The following INPP4B variants were observed in gnomAD, a reference collection of about 807,000 sequenced individuals.
INPP4B encodes inositol polyphosphate 4-phosphatase type II.
In INPP4B, 55 loss-of-function variants were observed where a neutral mutation model predicts 122.5. The ratio of observed to expected loss-of-function variants is 0.45; its 90% confidence interval spans 0.36 to 0.56. INPP4B has a LOEUF of 0.56. Ranked by LOEUF, INPP4B falls within the 20% of genes least tolerant of loss-of-function variation. The probability of loss-of-function intolerance (pLI) is 0.00; values close to 1 mark genes in which losing one functional copy is unlikely to be tolerated. For synonymous variants in INPP4B, 403 were observed against 388.7 expected (o/e 1.04, Z -0.43); for missense variants, 1,000 against 1,097.7 (o/e 0.91, Z 1.26).
At chr4:142,400,435 T>C (rs1801211730) in intron 7 of INPP4B, among the ~76,000 whole-genome samples, 1 of 152,190 alleles carries the variant, frequency 6.6e-6, no homozygotes, top group African/African-American at 2.4e-5. Flanking sequence ...CTTAATATAT[T>C]TAGGTTAAGT....
intron 2 of INPP4B, among the ~76,000 whole-genome samples, chr4:142,524,584 T>C (rs1469613627): frequency 2.6e-5 from 4 of 152,140 alleles, no homozygotes; most frequent in Admixed American, 2.6e-4. Context: ...TGGTCCAATA[T>C]ACGCAAATCA....
At chr4:142,762,980 C>T (rs1049425880) in intron 1 of INPP4B, among the ~76,000 whole-genome samples, 3 of 152,098 alleles carry the variant, frequency 2.0e-5, no homozygotes, top group African/African-American at 7.2e-5. Context: ...AGCAACAGGG[C>T]GCCATCTTGA....
intron 16 of INPP4B, 60 bp from the exon 17 acceptor site, chr4:142,160,621 G>A: frequency 2.3e-6 from 3 of 1,297,874 alleles, no homozygotes; most frequent in South Asian, 3.0e-5. Context: ...ATAGAGCTGT[G>A]AAAAGGTCAA....
At chr4:142,235,578 C>A (rs1416434242) in intron 12 of INPP4B, among the ~76,000 whole-genome samples, 1 of 152,058 alleles carries the variant, frequency 6.6e-6, no homozygotes, top group East Asian at 1.9e-4. Context: ...CCCACCACCA[C>A]GCCTGGATAA....
rs186382153 is a variant in INPP4B, at chr4:142,206,393, T to C, written c.1072+2032A>G. ...TTTTCAGTTCTTTCACTTGACATAGTTCGTAGTGAATAAGACCTAAATTAA... is the reference window on the plus strand; with the variant it reads ...TTTTCAGTTCTTTCACTTGACATAGCTCGTAGTGAATAAGACCTAAATTAA... On this transcript the variant is annotated intron_variant, in intron 14 of 25. Transcript: ENST00000262992. Among the ~76,000 whole-genome samples the C allele has an allele frequency of 3.1e-3, 467 of 151,316 alleles. 1 individual carries two copies. Among genetic ancestry groups the C allele is most frequent in the African/African-American group, 0.011 (450 of 41,220 alleles).
chr4:142,264,656 G>C (rs965911901), intron 10 of INPP4B, among the ~76,000 whole-genome samples: 1 of 152,166 alleles, frequency 6.6e-6, no homozygotes, highest in African/African-American at 2.4e-5. Flanking sequence ...TATGTGAGAA[G>C]AAAGAGTTTG....
chr4:142,449,531 G>T (rs28557098), intron 3 of INPP4B, among the ~76,000 whole-genome samples: 2,040 of 151,910 alleles, frequency 0.013, 44 homozygotes, highest in African/African-American at 0.045. Context: ...GTGAAACCCT[G>T]TTTCTACTAA....
At chr4:142,202,391 T>C (rs1475250382) in intron 14 of INPP4B, among the ~76,000 whole-genome samples, 5 of 152,134 alleles carry the variant, frequency 3.3e-5, no homozygotes, top group African/African-American at 7.2e-5. Context: ...GCATGTAATA[T>C]GTCTTTGGCA....
chr4:142,124,451 TAAG>T, intron 19 of INPP4B, 134 bp downstream of exon 19: 1 of 720,340 alleles, frequency 1.4e-6, no homozygotes, highest in Non-Finnish European at 2.3e-6. Flanking sequence ...TTATCGTGAA[TAAG>T]AAACATGGGA....
chr4:142,174,320 T>C (rs184229097), intron 15 of INPP4B, among the ~76,000 whole-genome samples: 65 of 152,206 alleles, frequency 4.3e-4, no homozygotes, highest in Admixed American at 2.5e-3. Flanking sequence ...GTAACGTTAG[T>C]AGTCATTCAT....
At chr4:142,430,453 G>T (rs1172306830) in intron 4 of INPP4B, among the ~76,000 whole-genome samples, 1 of 152,022 alleles carries the variant, frequency 6.6e-6, no homozygotes, top group Non-Finnish European at 1.5e-5. Flanking sequence ...AAAAGAGAAG[G>T]TTAGGCATAT....
At chr4:142,268,348 G>GAAAAAAAAAAAAAAAAAAAAAAA (rs1383781390) in intron 10 of INPP4B, among the ~76,000 whole-genome samples, 26 of 26,798 alleles carry the variant, frequency 9.7e-4, no homozygotes, top group Non-Finnish European at 2.2e-3. Flanking sequence ...AAAAAAAAAT[G>GAAAAAAAAAAAAAAAAAAAAAAA]AGGGGTAAGT....
intron 11 of INPP4B, among the ~76,000 whole-genome samples, chr4:142,254,887 C>T (rs908598236): frequency 6.6e-6 from 1 of 151,814 alleles, no homozygotes; most frequent in Non-Finnish European, 1.5e-5. Flanking sequence ...AGAGCAACTC[C>T]AAGACACATA....
At chr4:142,088,456 A>C (rs1221539926) in intron 23 of INPP4B, among the ~76,000 whole-genome samples, 1 of 152,222 alleles carries the variant, frequency 6.6e-6, no homozygotes, top group Non-Finnish European at 1.5e-5. Context: ...GCTGAAAAGA[A>C]GAATTGGCCA....
At chr4:142,156,987 G>C (rs556689142) in intron 17 of INPP4B, among the ~76,000 whole-genome samples, 1 of 152,150 alleles carries the variant, frequency 6.6e-6, no homozygotes, top group African/African-American at 2.4e-5. Flanking sequence ...ATTTGCAAAC[G>C]TAAGCCAATT....
chr4:142,263,271 C>T (rs1579510933), intron 10 of INPP4B, among the ~76,000 whole-genome samples: 1 of 152,108 alleles, frequency 6.6e-6, no homozygotes, highest in Non-Finnish European at 1.5e-5. Context: ...TCTCATTTTT[C>T]ACCTGATTTG....
chr4:142,536,692 T>C (rs4975317), intron 2 of INPP4B, among the ~76,000 whole-genome samples: 33,667 of 152,088 alleles, frequency 0.22, 4,886 homozygotes, highest in East Asian at 0.77. Flanking sequence ...GCCATCTCAG[T>C]ACCCAGAAGG....
intron 16 of INPP4B, among the ~76,000 whole-genome samples, chr4:142,165,891 G>A (rs1381918296): frequency 2.0e-5 from 3 of 151,500 alleles, no homozygotes; most frequent in Non-Finnish European, 3.0e-5. Flanking sequence ...TTTTATCCTC[G>A]GCCTTTTTGA....
intron 1 of INPP4B, among the ~76,000 whole-genome samples, chr4:142,814,201 C>G (rs558187770): frequency 5.1e-4 from 77 of 152,240 alleles, no homozygotes; most frequent in African/African-American, 1.8e-3. Context: ...TGCATCCTCT[C>G]TAGAGGAGAT....
Sources: gnomAD v4.1 joint callset for allele counts (sites outside exome capture counted in the v4.1 genomes callset) on GRCh38, gnomAD v4.1.1 for gene constraint, MANE v1.5 for transcripts, NCBI Gene and HGNC (gene_info 2026-07-23, HGNC 2026-07-21) for gene names.